Variants in DCUN1D5 observed in about 807,000 individuals in gnomAD.
DCUN1D5 encodes DCN1-like protein 5.
A neutral mutation model predicts 38.3 loss-of-function variants in DCUN1D5; 10 were observed. The observed-to-expected ratio is 0.26, with a 90% CI of 0.16 to 0.44. The LOEUF (loss-of-function observed/expected upper bound fraction) is 0.44. Among genes scored for constraint, DCUN1D5 ranks in the 20% least tolerant of loss-of-function variants. The pLI, the probability that DCUN1D5 is intolerant of heterozygous loss-of-function variation, is 1.00. For synonymous variants in DCUN1D5, 93 were observed against 90.9 expected (o/e 1.02, Z -0.13); for missense variants, 148 against 275.3 (o/e 0.54, Z 3.27).
Position 103,063,801 on chromosome 11 carries a change from A to C in DCUN1D5, c.658+474T>G, listed in dbSNP as rs1862071633. 1.3e-5 allele frequency among the ~76,000 whole-genome samples: 2 copies of C among 152,148 alleles called. No homozygotes were observed. Among genetic ancestry groups the C allele is most frequent in the Admixed American group, 6.5e-5 (1 of 15,284 alleles). ...ATTGAAAAATTATAACTATTTCACT[A>C]TCAGTTAGCTCACAATCAATTTATA... On this transcript the variant is annotated intron_variant, in intron 7 of 7. Coordinates refer to ENST00000260247, the MANE Select transcript of DCUN1D5 (RefSeq NM_032299.4). The surrounding 1 kb of genome is among the most constrained non-coding windows in gnomAD (Gnocchi z 4.6).
chr11:103,075,690 A>C (rs1203878055), intron 4 of DCUN1D5, among the ~76,000 whole-genome samples: 2 of 152,148 alleles, frequency 1.3e-5, no homozygotes, highest in Non-Finnish European at 2.9e-5. Flanking sequence ...AGATGTTTTT[A>C]TATGTTATCC....
At chr11:103,074,377 A>G (rs1211530276) in intron 4 of DCUN1D5, among the ~76,000 whole-genome samples, 2 of 152,050 alleles carry the variant, frequency 1.3e-5, no homozygotes, top group African/African-American at 4.8e-5. Flanking sequence ...AGTCAACTAC[A>G]TTATCTTCTT....
rs1555025566 is a variant in DCUN1D5, at chr11:103,051,505, C to CCG, written c.*10853_*10854insCG. The stretch of plus-strand genomic sequence containing the variant: ...TGGTGGCTTCACATATTTACTTCCC[C>CCG]CCCCCCCCCGCCACCCCTGTGTTAA... On this transcript the variant is annotated 3_prime_UTR_variant, in exon 8 of 8. Transcript: ENST00000260247. 7 of 17,334 alleles carry CCG rather than the reference C, an allele frequency of 4.0e-4. No homozygotes were observed. The highest frequency in any genetic ancestry group is 8.5e-4 in the African/African-American group (7 of 8,210). 1.1% of individuals were successfully genotyped at this position (17,334 alleles called of 1,614,324 possible). A position where few individuals can be genotyped will look rare whatever the true frequency, so the allele number is the denominator to read the frequency against.
chr11:103,069,830 G>T (rs929318720), intron 4 of DCUN1D5, among the ~76,000 whole-genome samples: 7 of 152,098 alleles, frequency 4.6e-5, no homozygotes, highest in African/African-American at 1.7e-4. Flanking sequence ...GATTTCTCTT[G>T]CCAGAATAGC....
Position 103,073,395 on chromosome 11 carries a change from C to T in DCUN1D5, c.342-6828G>A, listed in dbSNP as rs1215993957. On this transcript the variant is annotated intron_variant, in intron 4 of 7. Transcript: ENST00000260247. This position sits in a 1 kb window ranked among gnomAD's most constrained non-coding sequence, Gnocchi z 4.2. ...CTCCCCAAATTTATATGCTATTTAACCAAAATCTCAGCAAGATATTTTTGT... is the reference window on the plus strand; with the variant it reads ...CTCCCCAAATTTATATGCTATTTAATCAAAATCTCAGCAAGATATTTTTGT... Among the ~76,000 whole-genome samples, 3 of 152,110 alleles carry T rather than the reference C, an allele frequency of 2.0e-5. No homozygotes were observed. Among genetic ancestry groups the T allele is most frequent in the Non-Finnish European group, 4.4e-5 (3 of 68,012 alleles).
In DCUN1D5 at chr11:103,064,397, ATTTGTATT is replaced by A; in HGVS notation, c.556-28_556-21del. On this transcript the variant is annotated intron_variant, in intron 6 of 7. Transcript: ENST00000260247. The surrounding 1 kb of genome is among the most constrained non-coding windows in gnomAD (Gnocchi z 4.5). The stretch of plus-strand genomic sequence containing the variant: ...TGATTGCTGCAAAAATGATTTAAAT[ATTTGTATT>A]TAAATATTTAAACAAACATCATTTA... 6.5e-7 allele frequency: 1 copy of A among 1,544,524 alleles called. No homozygotes were observed. The highest frequency in any genetic ancestry group is 8.8e-7 in the Non-Finnish European group (1 of 1,135,204).
intron 2 of DCUN1D5, among the ~76,000 whole-genome samples, chr11:103,085,309 G>C (rs1222900010): frequency 6.6e-6 from 1 of 152,126 alleles, no homozygotes; most frequent in Non-Finnish European, 1.5e-5. Flanking sequence ...GTGGTGGCAG[G>C]TGCCTGTAAT....
At chr11:103,068,278 A>G (rs1459060464) in intron 4 of DCUN1D5, among the ~76,000 whole-genome samples, 1 of 152,106 alleles carries the variant, frequency 6.6e-6, no homozygotes, top group Admixed American at 6.6e-5. Flanking sequence ...ACAAGTTTTG[A>G]TAAGTATTGT....
rs1862028052 is a variant in DCUN1D5 at position 103,062,157 on chromosome 11, A to C, written c.*202T>G. ...AAACATAACTCAAAACAAAAACTTC[A>C]ATATTCAGTCTAAGAAGAGGTGTGG... On this transcript the variant is annotated 3_prime_UTR_variant, in exon 8 of 8. Transcript: ENST00000260247. This position sits in a 1 kb window ranked among gnomAD's most constrained non-coding sequence, Gnocchi z 4.6. 6 of 504,664 alleles carry C rather than the reference A, an allele frequency of 1.2e-5. No homozygotes were observed. In the South Asian group the frequency reaches 2.0e-4, roughly 17 times the overall value. The allele number at this position is 504,664 out of a possible 1,614,324, so 31.3% of individuals were successfully genotyped here.
chr11:103,074,624 T>G (rs1420979213), intron 4 of DCUN1D5, among the ~76,000 whole-genome samples: 1 of 152,222 alleles, frequency 6.6e-6, no homozygotes, highest in African/African-American at 2.4e-5. Flanking sequence ...CAGGATGGTC[T>G]CAATCTCCTG....
At chr11:103,088,553 T>C (rs539951332) in intron 2 of DCUN1D5, among the ~76,000 whole-genome samples, 2 of 152,290 alleles carry the variant, frequency 1.3e-5, no homozygotes, top group African/African-American at 2.4e-5. Flanking sequence ...GTTACAAGAT[T>C]TAGCTGAGGT....
In DCUN1D5 at chr11:103,078,598, G is replaced by A. The variant is rs1036984257; in HGVS notation, c.341+4150C>T. On this transcript the variant is annotated intron_variant, in intron 4 of 7. Coordinates refer to ENST00000260247, the MANE Select transcript of DCUN1D5 (RefSeq NM_032299.4). The surrounding 1 kb of genome is among the most constrained non-coding windows in gnomAD (Gnocchi z 4.6). ...ATGGTTTCCCAATATCTGTAACATA[G>A]ATTTAAACTCTCTCAACGTATTAGC... Among the ~76,000 whole-genome samples the A allele has an allele frequency of 1.3e-5, 2 of 152,184 alleles. No individual in the cohort carries two copies. Among genetic ancestry groups the A allele is most frequent in the Admixed American group, 6.5e-5 (1 of 15,278 alleles).
chr11:103,074,108 C>A (rs1426828595), intron 4 of DCUN1D5, among the ~76,000 whole-genome samples: 1 of 152,034 alleles, frequency 6.6e-6, no homozygotes, highest in African/African-American at 2.4e-5. Flanking sequence ...AAGTACACTC[C>A]ATAAAAGGAA....
rs1219302506 is a variant in DCUN1D5 at position 103,077,025 on chromosome 11, C to G, written c.341+5723G>C. Among the ~76,000 whole-genome samples the G allele has an allele frequency of 6.6e-6, 1 of 152,048 alleles. No homozygotes were observed. The highest frequency in any genetic ancestry group is 1.5e-5 in the Non-Finnish European group (1 of 67,996). ...CATCCCGGCTAACATGGTGAAACCCCGTCTCTACTAAAAATACAAAAAAAA... is the reference window on the plus strand; with the variant it reads ...CATCCCGGCTAACATGGTGAAACCCGGTCTCTACTAAAAATACAAAAAAAA... On this transcript the variant is annotated intron_variant, in intron 4 of 7. Transcript: ENST00000260247. This position sits in a 1 kb window ranked among gnomAD's most constrained non-coding sequence, Gnocchi z 4.3.
At position 103,087,037 on chromosome 11, in the gene DCUN1D5, A is replaced by C. The variant is rs1224891451; in HGVS notation, c.178+2190T>G. On this transcript the variant is annotated intron_variant, in intron 2 of 7. Transcript: ENST00000260247. The surrounding 1 kb of genome is among the most constrained non-coding windows in gnomAD (Gnocchi z 4.1). ...TCTCAGTTTTCTCATCTATAAAATG[A>C]GGGTATGGCCAAGCACAGCAGCTCA... Among the ~76,000 whole-genome samples, 1 of 152,048 alleles carries C rather than the reference A, an allele frequency of 6.6e-6. No individual in the cohort carries two copies. The highest frequency in any genetic ancestry group is 1.9e-4 in the East Asian group (1 of 5,194).
intron 4 of DCUN1D5, among the ~76,000 whole-genome samples, chr11:103,070,978 A>T (rs1243959822): frequency 6.6e-6 from 1 of 152,200 alleles, no homozygotes; most frequent in Non-Finnish European, 1.5e-5. Flanking sequence ...TCTATGGGAG[A>T]GTTAAGTCTC....
rs1434131987 is a variant in DCUN1D5 at position 103,063,803 on chromosome 11, CAGTT to C, written c.658+468_658+471del. On this transcript the variant is annotated intron_variant, in intron 7 of 7. Coordinates refer to ENST00000260247, the MANE Select transcript of DCUN1D5 (RefSeq NM_032299.4). The surrounding 1 kb of genome is among the most constrained non-coding windows in gnomAD (Gnocchi z 4.6). ...TGAAAAATTATAACTATTTCACTAT[CAGTT>C]AGCTCACAATCAATTTATAGTTTTC... Among the ~76,000 whole-genome samples the C allele has an allele frequency of 6.6e-6, 1 of 152,088 alleles. No individual in the cohort carries two copies. The highest frequency in any genetic ancestry group is 2.4e-5 in the African/African-American group (1 of 41,422).
At chr11:103,090,687 C>A (rs1161434594) in intron 1 of DCUN1D5, among the ~76,000 whole-genome samples, 5 of 152,094 alleles carry the variant, frequency 3.3e-5, no homozygotes, top group Non-Finnish European at 7.4e-5. Context: ...CCGAGGCGGG[C>A]GGATCGCGAG....
rs1273916680 is a variant in DCUN1D5, at chr11:103,071,883, T to A, written c.342-5316A>T. ...ACATCTCTCTCAAAACATAAAAGAT[T>A]AAGAAAATTTAAAATATTTAAAAAA... On this transcript the variant is annotated intron_variant, in intron 4 of 7. Coordinates refer to ENST00000260247, the MANE Select transcript of DCUN1D5 (RefSeq NM_032299.4). The surrounding 1 kb of genome is among the most constrained non-coding windows in gnomAD (Gnocchi z 4.1). Among the ~76,000 whole-genome samples, 2 of 150,972 alleles carry A rather than the reference T, an allele frequency of 1.3e-5. No individual in the cohort carries two copies. The highest frequency in any genetic ancestry group is 2.4e-5 in the African/African-American group (1 of 41,288).
Sources: gnomAD v4.1 joint callset for allele counts (sites outside exome capture counted in the v4.1 genomes callset) on GRCh38, gnomAD v4.1.1 for gene constraint, Gnocchi (gnomAD v3.1) non-coding constraint, MANE v1.5 for transcripts, NCBI Gene and HGNC (gene_info 2026-07-23, HGNC 2026-07-21) for gene names.